SNTG1: variants seen among roughly 807,000 people sequenced by gnomAD.
SNTG1 encodes the protein syntrophin gamma 1, also known as gamma-1-syntrophin.
Under a neutral mutation model 74.7 loss-of-function variants are expected in SNTG1, and 39 were observed. That is an observed-to-expected ratio of 0.52 (90% CI 0.40 to 0.68). The LOEUF is 0.68. Among genes scored for constraint, SNTG1 ranks in the 30% least tolerant of loss-of-function variants. The pLI is 0.00. For synonymous variants in SNTG1, 254 were observed against 217.1 expected (o/e 1.17, Z -1.49); for missense variants, 685 against 609.5 (o/e 1.12, Z -1.30).
At chr8:50,042,219 C>T (rs896582312) in intron 1 of SNTG1, among the ~76,000 whole-genome samples, 4 of 152,140 alleles carry the variant, frequency 2.6e-5, no homozygotes, top group African/African-American at 9.7e-5. Context: ...TTACCACCAT[C>T]TCTCTCTGGG....
chr8:50,623,441 A>G (rs984536434), intron 13 of SNTG1, among the ~76,000 whole-genome samples: 6 of 152,146 alleles, frequency 3.9e-5, no homozygotes, highest in Admixed American at 3.9e-4. Flanking sequence ...CTTGTAGAAT[A>G]TAGTTGATTT....
At chr8:50,138,538 T>G (rs1248337703) in intron 1 of SNTG1, among the ~76,000 whole-genome samples, 1 of 151,496 alleles carries the variant, frequency 6.6e-6, no homozygotes, top group African/African-American at 2.4e-5. Flanking sequence ...GGCAGGAGAA[T>G]TGCTTGAACC....
intron 1 of SNTG1, among the ~76,000 whole-genome samples, chr8:50,049,026 T>A (rs113641963): frequency 0.015 from 2,294 of 151,872 alleles, 33 homozygotes; most frequent in Non-Finnish European, 0.022. Flanking sequence ...AATTGGTTGC[T>A]GAGAGAATTA....
intron 2 of SNTG1, among the ~76,000 whole-genome samples, chr8:50,236,242 T>C (rs2085886882): frequency 6.6e-6 from 1 of 152,264 alleles, no homozygotes; most frequent in Admixed American, 6.5e-5. Context: ...AAGTAACACA[T>C]TAAGAAGATA....
intron 1 of SNTG1, among the ~76,000 whole-genome samples, chr8:50,049,759 T>C (rs1399404391): frequency 6.6e-6 from 1 of 152,106 alleles, no homozygotes; most frequent in Admixed American, 6.6e-5. Flanking sequence ...CAAAGTATAA[T>C]TTTAGACCAT....
chr8:50,684,122 C>G (rs1199446574), intron 15 of SNTG1, among the ~76,000 whole-genome samples: 1 of 152,072 alleles, frequency 6.6e-6, no homozygotes, highest in Non-Finnish European at 1.5e-5. Flanking sequence ...GCCAAATGAC[C>G]AACCATAATT....
chr8:50,430,221 G>C (rs1182787737), intron 4 of SNTG1, among the ~76,000 whole-genome samples: 2 of 152,034 alleles, frequency 1.3e-5, no homozygotes, highest in Non-Finnish European at 2.9e-5. Flanking sequence ...CTTTAAATGG[G>C]TTAATTTCAT....
intron 17 of SNTG1, among the ~76,000 whole-genome samples, chr8:50,751,192 T>C (rs2095566543): frequency 1.3e-5 from 2 of 152,070 alleles, no homozygotes; most frequent in South Asian, 4.1e-4. Context: ...AACTACATGG[T>C]GTGTGATCAT....
rs1020292402 is a variant in SNTG1, at chr8:50,536,577, T to A, written c.550-101T>A. 8.5e-6 allele frequency: 12 copies of A among 1,409,458 alleles called. No individual in the cohort carries two copies. The African/African-American group carries it at 1.3e-4, about 15-fold the overall frequency. The allele number at this position is 1,409,458 out of a possible 1,614,324, so 87.3% of individuals were successfully genotyped here. A position where few individuals can be genotyped will look rare whatever the true frequency, so the allele number is the denominator to read the frequency against. On this transcript the variant is annotated intron_variant, in intron 10 of 18. Coordinates refer to ENST00000642720, the MANE Select transcript of SNTG1 (RefSeq NM_018967.5). Reference sequence around the variant, plus strand: ...GTATTCCATTAAAGTCTTTTGATCATTTAGGGGAAAAATAATATCCCCCAG... The same window carrying A: ...GTATTCCATTAAAGTCTTTTGATCAATTAGGGGAAAAATAATATCCCCCAG...
intron 12 of SNTG1, chr8:50,568,878 G>A (rs2094531047): frequency 6.6e-6 from 1 of 152,054 alleles, no homozygotes; most frequent in African/African-American, 2.4e-5. Flanking sequence ...CCTATCATCT[G>A]TAGAGTATTG....
chr8:50,445,581 T>A (rs1317936355), intron 5 of SNTG1, among the ~76,000 whole-genome samples: 2 of 152,202 alleles, frequency 1.3e-5, no homozygotes, highest in African/African-American at 4.8e-5. Context: ...GAGCTAGCTA[T>A]AAAATCCACT....
intron 1 of SNTG1, among the ~76,000 whole-genome samples, chr8:49,971,586 C>T (rs138628520): frequency 0.023 from 3,509 of 152,228 alleles, 136 homozygotes; most frequent in African/African-American, 0.078. Flanking sequence ...TCCCTGTTTG[C>T]GGATGAAATG....
chr8:49,956,912 A>G (rs1478590103), intron 1 of SNTG1, among the ~76,000 whole-genome samples: 1 of 152,212 alleles, frequency 6.6e-6, no homozygotes, highest in Non-Finnish European at 1.5e-5. Context: ...AGATATAGAA[A>G]GACAAATACT....
intron 15 of SNTG1, among the ~76,000 whole-genome samples, chr8:50,667,130 T>A (rs2095254472): frequency 6.6e-6 from 1 of 152,032 alleles, no homozygotes; most frequent in Non-Finnish European, 1.5e-5. Context: ...AGATAATACA[T>A]GATATAAGAG....
intron 13 of SNTG1, among the ~76,000 whole-genome samples, chr8:50,597,722 T>G (rs954770772): frequency 2.4e-4 from 36 of 151,740 alleles, no homozygotes; most frequent in Admixed American, 2.2e-3. Context: ...CATTTGTTAT[T>G]TTTTTTGTCT....
intron 1 of SNTG1, among the ~76,000 whole-genome samples, chr8:50,129,880 C>A (rs1220008688): frequency 1.3e-5 from 2 of 152,092 alleles, no homozygotes; most frequent in African/African-American, 4.8e-5. Flanking sequence ...TCAAGCAATC[C>A]TCTTGCCTCC....
chr8:50,324,475 T>C (rs1301099207), intron 2 of SNTG1, among the ~76,000 whole-genome samples: 2 of 152,208 alleles, frequency 1.3e-5, no homozygotes, highest in Admixed American at 1.3e-4. Flanking sequence ...GGTGCTTTTC[T>C]GCATGTGGTT....
chr8:50,074,237 T>C (rs1821625630), intron 1 of SNTG1, among the ~76,000 whole-genome samples: 1 of 152,172 alleles, frequency 6.6e-6, no homozygotes, highest in South Asian at 2.1e-4. Context: ...GATGACTTCT[T>C]TTCTTAAACC....
intron 1 of SNTG1, among the ~76,000 whole-genome samples, chr8:49,956,292 A>G (rs1182382134): frequency 6.6e-6 from 1 of 152,258 alleles, no homozygotes; most frequent in Non-Finnish European, 1.5e-5. Flanking sequence ...CAACTGAGGC[A>G]AAACCTAAAA....
Sources: allele counts gnomAD v4.1 joint callset (sites outside exome capture counted in the v4.1 genomes callset), GRCh38; gene constraint gnomAD v4.1.1; transcripts MANE v1.5; gene names NCBI Gene and HGNC (gene_info 2026-07-23, HGNC 2026-07-21).